DDAH1: variants seen among roughly 807,000 people sequenced by gnomAD.
DDAH1 encodes N(G),N(G)-dimethylarginine dimethylaminohydrolase 1.
DDAH1 carries 19 observed loss-of-function variants against 28.8 expected under a neutral mutation model. The ratio of observed to expected loss-of-function variants is 0.66; its 90% CI spans 0.46 to 0.97. DDAH1 has a LOEUF of 0.97. Among genes scored for constraint, DDAH1 ranks in the 50% least tolerant of loss-of-function variants. DDAH1 has a pLI of 0.00. For missense variants in DDAH1, 326 were observed against 375.9 expected (o/e 0.87, Z 1.10); for synonymous variants, 153 against 154.4 (o/e 0.99, Z 0.07).
intron 2 of DDAH1, among the ~76,000 whole-genome samples, chr1:85,479,243 G>A (rs1221858062): frequency 1.4e-5 from 2 of 143,934 alleles, no homozygotes. Flanking sequence ...GCGCGATCTC[G>A]GCTCACTGCA....
chr1:85,363,616 G>A (rs1355340900), intron 1 of DDAH1, among the ~76,000 whole-genome samples: 1 of 152,206 alleles, frequency 6.6e-6, no homozygotes, highest in Non-Finnish European at 1.5e-5. Flanking sequence ...TGTAGATAAT[G>A]CTGAGGAAGC....
intron 1 of DDAH1, chr1:85,448,266 G>T (rs1654525142): frequency 6.5e-6 from 1 of 153,118 alleles, no homozygotes; most frequent in Non-Finnish European, 1.5e-5. Flanking sequence ...GAACACCAAG[G>T]TCTATTACTT....
intron 1 of DDAH1, among the ~76,000 whole-genome samples, chr1:85,375,654 T>A (rs577253204): frequency 1.3e-5 from 2 of 152,288 alleles, no homozygotes; most frequent in South Asian, 4.1e-4. Flanking sequence ...ACTTGCCCAG[T>A]TTCATTCTAT....
intron 1 of DDAH1, among the ~76,000 whole-genome samples, chr1:85,506,836 G>A (rs185726122): frequency 1.8e-3 from 276 of 152,284 alleles, no homozygotes; most frequent in African/African-American, 6.5e-3. Flanking sequence ...TCGGATAGAT[G>A]GCTTGGAGGC....
At chr1:85,442,042 T>G (rs998952977) in intron 1 of DDAH1, among the ~76,000 whole-genome samples, 5 of 152,136 alleles carry the variant, frequency 3.3e-5, no homozygotes, top group Non-Finnish European at 5.9e-5. Flanking sequence ...CTTTTTTTTT[T>G]TAATGCTTTA....
chr1:85,388,752 G>A (rs1198209136), intron 1 of DDAH1, among the ~76,000 whole-genome samples: 1 of 152,124 alleles, frequency 6.6e-6, no homozygotes, highest in African/African-American at 2.4e-5. Context: ...TCTGAAAAAT[G>A]TCACAAAGGA....
chr1:85,451,335 C>CA (rs1654662928), intron 1 of DDAH1, among the ~76,000 whole-genome samples: 1 of 152,090 alleles, frequency 6.6e-6, no homozygotes, highest in African/African-American at 2.4e-5. Context: ...TTTAGAAAGA[C>CA]AAAAAGCATA....
At chr1:85,414,570 AAG>A (rs954587643) in intron 1 of DDAH1, among the ~76,000 whole-genome samples, 9 of 152,202 alleles carry the variant, frequency 5.9e-5, no homozygotes, top group African/African-American at 2.2e-4. Flanking sequence ...TCCTCTGAAA[AAG>A]AGAAACAACT....
intron 1 of DDAH1, among the ~76,000 whole-genome samples, chr1:85,564,597 GT>G (rs1659238271): frequency 6.6e-6 from 1 of 152,190 alleles, no homozygotes; most frequent in Non-Finnish European, 1.5e-5. Context: ...GCCAGGTGCA[GT>G]GGTTCATGCC....
intron 4 of DDAH1, among the ~76,000 whole-genome samples, chr1:85,345,071 C>A (rs796614966): frequency 9.2e-5 from 14 of 152,242 alleles, no homozygotes; most frequent in African/African-American, 3.4e-4. Context: ...AAGTATAACA[C>A]ACAAAGTGGC....
intron 4 of DDAH1, among the ~76,000 whole-genome samples, chr1:85,346,433 C>G (rs1277520205): frequency 2.6e-5 from 4 of 152,102 alleles, no homozygotes; most frequent in Non-Finnish European, 5.9e-5. Context: ...ACGGAAGGAG[C>G]AGACAAGCTC....
chr1:85,363,501 C>A (rs1402095696), intron 1 of DDAH1, among the ~76,000 whole-genome samples: 2 of 152,216 alleles, frequency 1.3e-5, no homozygotes, highest in Non-Finnish European at 1.5e-5. Flanking sequence ...ACTTGTCTAG[C>A]TCCAGAGAGT....
At chr1:85,421,607 C>CAA (rs1342044050) in intron 1 of DDAH1, among the ~76,000 whole-genome samples, 1 of 152,050 alleles carries the variant, frequency 6.6e-6, no homozygotes, top group Non-Finnish European at 1.5e-5. Context: ...ACCTGTTTAA[C>CAA]CCTCCTTCTC....
chr1:85,405,591 G>C (rs1304159524), intron 1 of DDAH1, among the ~76,000 whole-genome samples: 1 of 151,644 alleles, frequency 6.6e-6, no homozygotes, highest in Non-Finnish European at 1.5e-5. Flanking sequence ...TCCGCATTTG[G>C]CTGGGAAAGA....
chr1:85,386,720 T>G (rs1651281754), intron 1 of DDAH1, among the ~76,000 whole-genome samples: 1 of 152,124 alleles, frequency 6.6e-6, no homozygotes, highest in South Asian at 2.1e-4. Flanking sequence ...AGGGGGCTTT[T>G]ACCCTACATT....
At chr1:85,427,040 T>G (rs1653434723) in intron 1 of DDAH1, among the ~76,000 whole-genome samples, 1 of 152,134 alleles carries the variant, frequency 6.6e-6, no homozygotes, top group Non-Finnish European at 1.5e-5. Context: ...TTTCCTTATT[T>G]TATACGAAGG....
chr1:85,322,417 G>A (rs1661387011), intron 5 of DDAH1, among the ~76,000 whole-genome samples: 1 of 152,216 alleles, frequency 6.6e-6, no homozygotes, highest in Non-Finnish European at 1.5e-5. Context: ...ACAGTTCATA[G>A]ATTGTTCTGT....
intron 1 of DDAH1, among the ~76,000 whole-genome samples, chr1:85,505,928 A>T (rs757103491): frequency 6.6e-6 from 1 of 152,196 alleles, no homozygotes; most frequent in Non-Finnish European, 1.5e-5. Context: ...CTTCTATAGC[A>T]TTACCTTTAA....
chr1:85,483,957 G>T (rs1464909832), intron 2 of DDAH1, among the ~76,000 whole-genome samples: 1 of 152,176 alleles, frequency 6.6e-6, no homozygotes, highest in African/African-American at 2.4e-5. Flanking sequence ...TAAAGACATG[G>T]TGCCTAAGGG....
Sources: allele counts gnomAD v4.1 joint callset (sites outside exome capture counted in the v4.1 genomes callset), GRCh38; gene constraint gnomAD v4.1.1; transcripts MANE v1.5; gene names NCBI Gene and HGNC (gene_info 2026-07-23, HGNC 2026-07-21).